Variants in VCAN observed in about 807,000 individuals in gnomAD.
VCAN encodes versican core protein.
In VCAN, 44 loss-of-function variants were observed where a neutral mutation model predicts 245.5. The observed-to-expected ratio is 0.18, with a 90% CI of 0.14 to 0.23. The LOEUF (loss-of-function observed/expected upper bound fraction) is 0.23, where lower values mean the gene tolerates loss of function less well. VCAN is among the 10% of genes least tolerant of loss of function. The pLI, the probability that VCAN is intolerant of heterozygous loss-of-function variation, is 1.00. For missense variants in VCAN, 3,793 were observed against 4,057.9 expected (o/e 0.93, Z 1.77); for synonymous variants, 1,413 against 1,437.0 (o/e 0.98, Z 0.38).
chr5:83,506,259 C>A (rs1044405446), intron 5 of VCAN, among the ~76,000 whole-genome samples: 3 of 152,186 alleles, frequency 2.0e-5, no homozygotes, highest in Admixed American at 6.5e-5. Context: ...TGCAATTTTT[C>A]AAAACTTTTT....
Position 83,540,555 on chromosome 5 carries a change from G to A in VCAN, c.7552G>A (p.Gly2518Ser), listed in dbSNP as rs371161146. 28 of 1,613,720 alleles carry A rather than the reference G, an allele frequency of 1.7e-5. No homozygotes were observed. The highest frequency in any genetic ancestry group is 9.4e-5 in the African/African-American group (7 of 74,860). The change falls in exon 8 of 15, where the codon GGT becomes AGT. Residue 2518 changes from glycine (G) to serine (S), a missense_variant. Physicochemically the swap from Gly to Ser is moderately conservative, Grantham distance 56. This residue lies in a region of VCAN where 3,182 missense variants were observed against 3,250.3 expected (regional missense o/e 0.98). Transcript: ENST00000265077. ...NTVSYERSTD[G>S]SFQDRFREFE... ...AGTGTCATATGAGAGGTCCACAGACGGTAGTTTCCAAGACCGTTTCAGGGA... is the reference window on the plus strand; with the variant it reads ...AGTGTCATATGAGAGGTCCACAGACAGTAGTTTCCAAGACCGTTTCAGGGA...
rs1368926148 is a variant in VCAN at position 83,471,824 on chromosome 5, T to C, written c.-206T>C. The C allele has an allele frequency of 5.0e-6, 2 of 398,162 alleles. No homozygotes were observed. The highest frequency in any genetic ancestry group is 8.9e-6 in the Non-Finnish European group (2 of 225,986). The allele number at this position is 398,162 out of a possible 1,614,324, so 24.7% of individuals were successfully genotyped here. On this transcript the variant is annotated 5_prime_UTR_variant, in exon 1 of 15. Transcript: ENST00000265077. ...GTGCGGACGCAACAGCCGAGAACAT[T>C]AGGTGTTGTGGACAGGAGCTGGGAC...
At chr5:83,529,280 T>G (rs954967221) in intron 7 of VCAN, among the ~76,000 whole-genome samples, 7 of 149,674 alleles carry the variant, frequency 4.7e-5, no homozygotes, top group Admixed American at 6.7e-5. Flanking sequence ...CAGGAGGCAC[T>G]CTGTATCCAC....
chr5:83,579,323 G>T (rs539691820), intron 13 of VCAN, among the ~76,000 whole-genome samples: 1 of 152,232 alleles, frequency 6.6e-6, no homozygotes, highest in African/African-American at 2.4e-5. Flanking sequence ...GAGTGCAGTG[G>T]TGCAATCTCG....
chr5:83,536,606 T>A (rs1746721213), intron 7 of VCAN: 1 of 155,758 alleles, frequency 6.4e-6, no homozygotes, highest in Admixed American at 6.4e-5. Context: ...TAATTCTATA[T>A]GATATGGCCT....
At chr5:83,580,193 C>A in intron 14 of VCAN, 31 bp downstream of exon 14, 1 of 1,613,844 alleles carries the variant, frequency 6.2e-7, no homozygotes, top group South Asian at 1.1e-5. Context: ...AATGGACTAC[C>A]GTGCTATAAC....
chr5:83,519,618 G>T lies in VCAN; in HGVS notation c.1312G>T (p.Asp438Tyr). The T allele has an allele frequency of 6.2e-7, 1 of 1,614,148 alleles. No individual in the cohort carries two copies. Among genetic ancestry groups the T allele is most frequent in the South Asian group, 1.1e-5 (1 of 91,076 alleles). ...TACCAAGAAGCCCTGGGATATGGAT[G>T]ACTACTCACCTTCTGCTTCAGGACC... ...GSTKKPWDMD[D>Y]YSPSASGPLG... is the part of the protein sequence containing the mutation. The change falls in exon 7 of 15, where the codon GAC becomes TAC. Residue 438 changes from aspartate (D) to tyrosine (Y), a missense_variant. Coordinates refer to ENST00000265077, the MANE Select transcript of VCAN (RefSeq NM_004385.5).
At chr5:83,552,822 C>T (rs78248083) in intron 10 of VCAN, among the ~76,000 whole-genome samples, 3 of 152,096 alleles carry the variant, frequency 2.0e-5, no homozygotes, top group Non-Finnish European at 2.9e-5. Flanking sequence ...TATCCCAAAA[C>T]GTACCTATTC....
intron 6 of VCAN, among the ~76,000 whole-genome samples, chr5:83,516,475 GGTTTTAA>G (rs1745861214): frequency 6.6e-6 from 1 of 152,182 alleles, no homozygotes; most frequent in Non-Finnish European, 1.5e-5. Context: ...TGCTAATGGG[GGTTTTAA>G]GTTTTATTAG....
At chr5:83,544,617 C>T (rs1280243029) in intron 8 of VCAN, among the ~76,000 whole-genome samples, 27 of 152,104 alleles carry the variant, frequency 1.8e-4, no homozygotes, top group Admixed American at 1.7e-3. Flanking sequence ...TTTCAACTCT[C>T]ATTTGGATCT....
intron 12 of VCAN, among the ~76,000 whole-genome samples, chr5:83,571,504 G>A (rs1748288483): frequency 6.6e-6 from 1 of 152,048 alleles, no homozygotes; most frequent in Non-Finnish European, 1.5e-5. Flanking sequence ...TGACACATAT[G>A]ATGGAAGGCA....
intron 12 of VCAN, among the ~76,000 whole-genome samples, chr5:83,570,407 A>C (rs1748244348): frequency 6.6e-6 from 1 of 152,180 alleles, no homozygotes; most frequent in African/African-American, 2.4e-5. Flanking sequence ...CTTTAAAGTA[A>C]AGCTAAAAGA....
intron 8 of VCAN, 138 bp from the exon 9 acceptor site, chr5:83,545,399 T>C (rs1468588079): frequency 2.6e-6 from 2 of 771,294 alleles, no homozygotes; most frequent in African/African-American, 3.4e-5. Flanking sequence ...AAGTTAATGT[T>C]AATTTTTATA....
chr5:83,545,422 A>C (rs1008377210), intron 8 of VCAN, 115 bp from the exon 9 acceptor site: 4 of 836,256 alleles, frequency 4.8e-6, no homozygotes, highest in Admixed American at 1.7e-5. Context: ...TAGTAACTCT[A>C]AATTGCTATG....
intron 10 of VCAN, among the ~76,000 whole-genome samples, chr5:83,549,260 G>A (rs1394970735): frequency 1.3e-5 from 2 of 152,168 alleles, no homozygotes; most frequent in Non-Finnish European, 2.9e-5. Context: ...TCTGGGCATT[G>A]GAGATAGAAA....
At chr5:83,563,823 AAACT>A (rs772689338) in intron 12 of VCAN, among the ~76,000 whole-genome samples, 4 of 152,184 alleles carry the variant, frequency 2.6e-5, no homozygotes, top group African/African-American at 9.7e-5. Context: ...ACGGAAAAAC[AAACT>A]AACTGTGACT....
intron 5 of VCAN, among the ~76,000 whole-genome samples, chr5:83,501,344 C>T (rs1041760914): frequency 2.0e-5 from 3 of 152,038 alleles, no homozygotes; most frequent in Non-Finnish European, 1.5e-5. Flanking sequence ...AATTTTTGTG[C>T]TTTTGGTGTC....
chr5:83,555,751 T>G (rs1168179519), intron 12 of VCAN, among the ~76,000 whole-genome samples: 2 of 152,186 alleles, frequency 1.3e-5, no homozygotes, highest in African/African-American at 4.8e-5. Context: ...CTGGAATATG[T>G]AATTAAAAAC....
At chr5:83,514,939 T>G (rs1343090772) in intron 6 of VCAN, among the ~76,000 whole-genome samples, 1 of 152,192 alleles carries the variant, frequency 6.6e-6, no homozygotes, top group African/African-American at 2.4e-5. Context: ...GTAGAGGAAT[T>G]TAGAAATATA....
Sources: gnomAD v4.1 joint callset for allele counts (sites outside exome capture counted in the v4.1 genomes callset) on GRCh38, gnomAD v4.1.1 for gene constraint, gnomAD v4.1.1 regional missense constraint, MANE v1.5 for transcripts, NCBI Gene and HGNC (gene_info 2026-07-23, HGNC 2026-07-21) for gene names.